The following RAPH1 variants were observed in gnomAD, a reference collection of about 807,000 sequenced individuals.
RAPH1 encodes the protein Ras association (RalGDS/AF-6) and pleckstrin homology domains 1.
Under a neutral mutation model 88.1 loss-of-function variants are expected in RAPH1, and 18 were observed. The observed-to-expected ratio is 0.20, with a 90% CI of 0.14 to 0.30. The LOEUF is 0.30. RAPH1 is among the 10% of genes least tolerant of loss of function. The pLI is 1.00. For synonymous variants in RAPH1, 587 were observed against 559.0 expected, an observed-to-expected ratio of 1.05 and a Z score of -0.71; for missense variants, 1,448 against 1,543.2, an observed-to-expected ratio of 0.94 and a Z score of 1.03.
At chr2:203,518,753 T>G (rs544631167) in intron 1 of RAPH1, among the ~76,000 whole-genome samples, 2 of 151,758 alleles carry the variant, frequency 1.3e-5, no homozygotes, top group Non-Finnish European at 2.9e-5. Context: ...GAAGCTAAGG[T>G]AGGAGGATCA....
At chr2:203,510,271 G>A (rs1581388415) in intron 1 of RAPH1, among the ~76,000 whole-genome samples, 1 of 146,434 alleles carries the variant, frequency 6.8e-6, no homozygotes, top group South Asian at 2.2e-4. Context: ...GGGAGGCAGA[G>A]GTTGCAGTGA....
At chr2:203,467,469 C>CA (rs2153644936) in intron 4 of RAPH1, among the ~76,000 whole-genome samples, 1 of 151,664 alleles carries the variant, frequency 6.6e-6, no homozygotes, top group Admixed American at 6.6e-5. Context: ...CGTGGTGGCA[C>CA]ATGCCTGTAA....
At chr2:203,520,651 A>G (rs1689826235) in intron 1 of RAPH1, among the ~76,000 whole-genome samples, 1 of 151,984 alleles carries the variant, frequency 6.6e-6, no homozygotes, top group Non-Finnish European at 1.5e-5. Context: ...AAAAAACTAC[A>G]GAACTCCTTA....
rs538136011 is a variant in RAPH1, at chr2:203,472,998, T to C, written c.733-11073A>G. On this transcript the variant is annotated intron_variant, in intron 4 of 13. Coordinates refer to ENST00000319170, the MANE Select transcript of RAPH1 (RefSeq NM_213589.3). ...ATCATTATGGTTGGTGGTCCCAAAATATGCCACATTCAAAAAATGAGACCA... is the reference window on the plus strand; with the variant it reads ...ATCATTATGGTTGGTGGTCCCAAAACATGCCACATTCAAAAAATGAGACCA... Among the ~76,000 whole-genome samples, 12 of 152,308 alleles carry C rather than the reference T, an allele frequency of 7.9e-5. No homozygotes were observed. The South Asian group carries it at 2.5e-3, about 32-fold the overall frequency.
chr2:203,504,406 G>A (rs1045646530), intron 1 of RAPH1, among the ~76,000 whole-genome samples: 3 of 152,220 alleles, frequency 2.0e-5, no homozygotes, highest in Admixed American at 2.0e-4. Context: ...TGAAGCCACA[G>A]CCTGAGCTCT....
intron 6 of RAPH1, among the ~76,000 whole-genome samples, chr2:203,460,702 T>A (rs1230202136): frequency 6.6e-6 from 1 of 152,174 alleles, no homozygotes; most frequent in South Asian, 2.1e-4. Flanking sequence ...AACTTTGTTT[T>A]AGCCATTATA....
chr2:203,434,058 A>ATCTATCTATCTATCTATC lies in RAPH1; in HGVS notation c.*5378_*5379insGATAGATAGATAGATAGA, dbSNP rs10650424. On this transcript the variant is annotated 3_prime_UTR_variant, in exon 14 of 14. Coordinates refer to ENST00000319170, the MANE Select transcript of RAPH1 (RefSeq NM_213589.3). ...CTCTCATATATCTATCTATCTATCT[A>ATCTATCTATCTATCTATC]TATATATATATATATATATATAGCT... 24 of 138,508 alleles carry ATCTATCTATCTATCTATC rather than the reference A, an allele frequency of 1.7e-4. No homozygotes were observed. Among genetic ancestry groups the ATCTATCTATCTATCTATC allele is most frequent in the East Asian group, 1.7e-3 (8 of 4,824 alleles). 8.6% of individuals were successfully genotyped at this position (138,508 alleles called of 1,614,324 possible). A position where few individuals can be genotyped will look rare whatever the true frequency, so the allele number is the denominator to read the frequency against.
rs2098502566 is a variant in RAPH1, at chr2:203,440,486, G to A, written c.2704C>T (p.Pro902Ser). 3.9e-6 allele frequency: 6 copies of A among 1,532,126 alleles called. No individual in the cohort carries two copies. In the South Asian group the frequency reaches 7.7e-5, roughly 20 times the overall value. The allele number at this position is 1,532,126 out of a possible 1,614,324, so 94.9% of individuals were successfully genotyped here. A position where few individuals can be genotyped will look rare whatever the true frequency, so the allele number is the denominator to read the frequency against. Reference sequence around the variant, plus strand: ...GGGATGGAGCTGGGCTGCCACTTGGGCTTTGCTTTTACTGCAGGAGGGGAC... The same window carrying A: ...GGGATGGAGCTGGGCTGCCACTTGGACTTTGCTTTTACTGCAGGAGGGGAC... ...PQSPPAVKAK[P>S]KWQPSSIPVP... is the part of the protein sequence containing the mutation. The change falls in exon 14 of 14, where the codon CCC becomes TCC. Residue 902 changes from proline (P) to serine (S), a missense_variant. Physicochemically the swap from Pro to Ser is moderately conservative, Grantham distance 74 (BLOSUM62 -1). This residue lies in a region of RAPH1 where 935 missense variants were observed against 890.1 expected (regional missense o/e 1.05). Transcript: ENST00000319170.
intron 1 of RAPH1, among the ~76,000 whole-genome samples, chr2:203,505,441 A>AC (rs5837857): frequency 0.53 from 79,542 of 150,610 alleles, 21,643 homozygotes; most frequent in Middle Eastern, 0.7. Flanking sequence ...TGATTAAATT[A>AC]CCCCCCCCGG....
chr2:203,442,009 G>C (rs370029579), intron 13 of RAPH1: 2 of 1,556,378 alleles, frequency 1.3e-6, no homozygotes, highest in African/African-American at 1.4e-5. Flanking sequence ...GTTGGTGTGA[G>C]ACAATTGCAT....
At chr2:203,459,085 G>C (rs543884883) in intron 7 of RAPH1, among the ~76,000 whole-genome samples, 1 of 152,118 alleles carries the variant, frequency 6.6e-6, no homozygotes, top group East Asian at 1.9e-4. Flanking sequence ...TAGCCAGGAT[G>C]GTCTCGATCT....
At chr2:203,517,359 C>CAAAAAAAAAAAAAAAA (rs71408943) in intron 1 of RAPH1, among the ~76,000 whole-genome samples, 7 of 32,154 alleles carry the variant, frequency 2.2e-4, no homozygotes, top group Admixed American at 4.0e-4. Context: ...CTATGAGAGG[C>CAAAAAAAAAAAAAAAA]AAAAAAAAAA....
chr2:203,513,532 C>CAAAA (rs34083519), intron 1 of RAPH1, among the ~76,000 whole-genome samples: 1 of 41,938 alleles, frequency 2.4e-5, no homozygotes, highest in Non-Finnish European at 4.7e-5. Context: ...GACTCTATTT[C>CAAAA]AAAAAAAAAA....
chr2:203,454,327 C>A (rs2098517392), intron 10 of RAPH1, 103 bp downstream of exon 10: 1 of 764,930 alleles, frequency 1.3e-6, no homozygotes, highest in Admixed American at 2.7e-5. Flanking sequence ...GAGAATAAAG[C>A]AAAAACAGTA....
Position 203,459,887 on chromosome 2 carries a change from TG to T in RAPH1, c.1092+19del, listed in dbSNP as rs770043609. The T allele has an allele frequency of 1.9e-6, 3 of 1,607,492 alleles. No homozygotes were observed. The Admixed American group carries it at 5.1e-5, about 27-fold the overall frequency. On this transcript the variant is annotated intron_variant, in intron 7 of 13. Transcript: ENST00000319170. ...AGACATATTTACAAATCCTGACCTC[TG>T]TAAGTTGTTTGGTCTTACCTGTGGG...
chr2:203,481,006 C>A (rs1028702489), intron 4 of RAPH1, among the ~76,000 whole-genome samples: 1 of 152,142 alleles, frequency 6.6e-6, no homozygotes, highest in African/African-American at 2.4e-5. Flanking sequence ...AGAGTGGGAA[C>A]CTGCCAGCCC....
chr2:203,445,291 GT>G (rs2098508468), intron 12 of RAPH1: 1 of 305,986 alleles, frequency 3.3e-6, no homozygotes, highest in African/African-American at 2.2e-5. Flanking sequence ...CTGACACCCA[GT>G]CTTGCATGAA....
intron 4 of RAPH1, 33 bp from the exon 5 acceptor site, chr2:203,461,958 C>T (rs777754400): frequency 4.5e-6 from 7 of 1,543,152 alleles, no homozygotes; most frequent in Non-Finnish European, 5.3e-6. Flanking sequence ...ATAAACAATG[C>T]TAAGATGATG....
chr2:203,506,869 T>G (rs1449929340), intron 1 of RAPH1, among the ~76,000 whole-genome samples: 2,155 of 106,656 alleles, frequency 0.02, 377 homozygotes, highest in African/African-American at 0.096. Flanking sequence ...TATATATATA[T>G]ATATATATAT....
Sources: allele counts gnomAD v4.1 joint callset (sites outside exome capture counted in the v4.1 genomes callset), GRCh38; gene constraint gnomAD v4.1.1; regional missense constraint gnomAD v4.1.1; transcripts MANE v1.5; gene names NCBI Gene and HGNC (gene_info 2026-07-23, HGNC 2026-07-21).